The following SLC41A3 variants were observed in gnomAD, a reference collection of about 807,000 sequenced individuals.
The protein encoded by SLC41A3 is solute carrier family 41 member 3.
Under a neutral mutation model 45.4 loss-of-function variants are expected in SLC41A3, and 44 were observed. The ratio of observed to expected loss-of-function variants is 0.97; its 90% CI spans 0.76 to 1.25. The LOEUF (loss-of-function observed/expected upper bound fraction) is 1.25, where lower values mean the gene tolerates loss of function less well. SLC41A3 is among the 50% of genes most tolerant of loss of function. SLC41A3 has a pLI of 0.00. For synonymous variants in SLC41A3, 256 were observed against 252.4 expected, an observed-to-expected ratio of 1.01 and a Z score of -0.13; for missense variants, 550 against 600.6, an observed-to-expected ratio of 0.92 and a Z score of 0.88.
chr3:126,040,745 C>T (rs2107812925), intron 3 of SLC41A3, among the ~76,000 whole-genome samples: 1 of 152,322 alleles, frequency 6.6e-6, no homozygotes, highest in South Asian at 2.1e-4. Flanking sequence ...CTAGTCAACA[C>T]ATTCTGAGTG....
chr3:126,045,719 C>T (rs1942916300), intron 3 of SLC41A3, among the ~76,000 whole-genome samples: 1 of 152,166 alleles, frequency 6.6e-6, no homozygotes. Flanking sequence ...CCTCCATAAA[C>T]TGTCCCAAAG....
At chr3:126,082,955 A>T (rs1446453789) in intron 1 of SLC41A3, among the ~76,000 whole-genome samples, 1 of 152,206 alleles carries the variant, frequency 6.6e-6, no homozygotes, top group Non-Finnish European at 1.5e-5. Flanking sequence ...GCCGGAACCC[A>T]AGGTTGGAAT....
intron 2 of SLC41A3, 54 bp from the exon 3 acceptor site, chr3:126,051,104 G>T: frequency 2.7e-6 from 4 of 1,472,430 alleles, no homozygotes; most frequent in Non-Finnish European, 3.6e-6. Flanking sequence ...GCAAATCTCT[G>T]GAAATTTCTT....
At chr3:126,093,417 C>T (rs976076081) in intron 1 of SLC41A3, among the ~76,000 whole-genome samples, 1 of 152,214 alleles carries the variant, frequency 6.6e-6, no homozygotes, top group African/African-American at 2.4e-5. Context: ...ATTTCCAGCT[C>T]AGGCCATTCC....
chr3:126,083,253 C>A (rs1268534140), intron 1 of SLC41A3, among the ~76,000 whole-genome samples: 1 of 152,152 alleles, frequency 6.6e-6, no homozygotes, highest in African/African-American at 2.4e-5. Context: ...CAGGGTGGGG[C>A]TGGGGAACCC....
intron 2 of SLC41A3, among the ~76,000 whole-genome samples, chr3:126,063,810 C>T (rs1165765509): frequency 6.6e-6 from 1 of 152,190 alleles, no homozygotes; most frequent in South Asian, 2.1e-4. Flanking sequence ...GGAGCCTCTA[C>T]TTCCTGGGTG....
intron 1 of SLC41A3, among the ~76,000 whole-genome samples, chr3:126,075,410 A>G (rs4387923): frequency 0.65 from 98,203 of 151,608 alleles, 32,042 homozygotes; most frequent in Middle Eastern, 0.71. Context: ...CTCCAGGTTT[A>G]ATACAATCCC....
rs1360197991 is a variant in SLC41A3, at chr3:126,026,912, A to G, written c.454-433T>C. On this transcript the variant is annotated intron_variant, in intron 4 of 10. Transcript: ENST00000360370. This position sits in a 1 kb window ranked among gnomAD's most constrained non-coding sequence, Gnocchi z 4.2. ...GCAGTCACACGGGAGGACTTCACAC[A>G]CTTTTGGTCTCTCCTTTGGCACCCT... 6.6e-6 allele frequency among the ~76,000 whole-genome samples: 1 copy of G among 151,888 alleles called. No individual in the cohort carries two copies. The highest frequency in any genetic ancestry group is 2.4e-5 in the African/African-American group (1 of 41,328).
chr3:126,048,414 T>C (rs760057436), intron 3 of SLC41A3, among the ~76,000 whole-genome samples: 1 of 152,216 alleles, frequency 6.6e-6, no homozygotes, highest in African/African-American at 2.4e-5. Context: ...TATAGAGACA[T>C]GTTTATGTAT....
At chr3:126,071,042 T>C (rs1944594297) in intron 1 of SLC41A3, among the ~76,000 whole-genome samples, 1 of 151,720 alleles carries the variant, frequency 6.6e-6, no homozygotes, top group East Asian at 1.9e-4. Context: ...AGTGATACAC[T>C]AGGAAAGATC....
chr3:126,038,174 GGCAGAGCCCCCACGGAGAAA>G (rs796484284), intron 3 of SLC41A3, among the ~76,000 whole-genome samples: 9 of 152,340 alleles, frequency 5.9e-5, no homozygotes, highest in African/African-American at 2.2e-4. Flanking sequence ...CTGCCACTGG[GGCAGAGCCCCCACGGAGAAA>G]CCCTACTAGG....
intron 2 of SLC41A3, among the ~76,000 whole-genome samples, chr3:126,059,274 G>GAAAGAAAGAAAGAAAGAA (rs1943894026): frequency 7.1e-6 from 1 of 141,694 alleles, no homozygotes; most frequent in African/African-American, 2.7e-5. Context: ...AAGAAAGAAA[G>GAAAGAAAGAAAGAAAGAA]AAAGAAAGAA....
At chr3:126,082,272 A>G (rs1244109934) in intron 1 of SLC41A3, among the ~76,000 whole-genome samples, 1 of 152,220 alleles carries the variant, frequency 6.6e-6, no homozygotes, top group Non-Finnish European at 1.5e-5. Context: ...CTCTAATCCC[A>G]GAGCCCCAGG....
intron 6 of SLC41A3, among the ~76,000 whole-genome samples, chr3:126,020,704 G>A (rs1447466196): frequency 2.0e-5 from 3 of 152,110 alleles, no homozygotes; most frequent in African/African-American, 7.2e-5. Context: ...CAGACTTTAA[G>A]TCCGGTAAGA....
intron 2 of SLC41A3, among the ~76,000 whole-genome samples, chr3:126,061,971 C>T (rs1415480985): frequency 2.0e-5 from 3 of 152,212 alleles, no homozygotes; most frequent in African/African-American, 7.2e-5. Context: ...ACTCCTGCCA[C>T]CTGGTCTGAC....
Position 126,068,250 on chromosome 3 carries a change from C to G in SLC41A3, c.-27-4G>C. ...CACAGCTGGGCGCCTGGCAGCCCTA[C>G]AGTGGGAGACACAAAGTTGTAGGGC... is the stretch of plus-strand genomic sequence containing the variant. On this transcript the variant is annotated splice_polypyrimidine_tract_variant and splice_region_variant and intron_variant, in intron 1 of 10. Transcript: ENST00000360370. 8.1e-6 allele frequency: 12 copies of G among 1,488,386 alleles called. No individual in the cohort carries two copies. Among genetic ancestry groups the G allele is most frequent in the Non-Finnish European group, 1.1e-5 (12 of 1,120,750 alleles). 92.2% of individuals were successfully genotyped at this position (1,488,386 alleles called of 1,614,324 possible). A position where few individuals can be genotyped will look rare whatever the true frequency, so the allele number is the denominator to read the frequency against.
chr3:126,060,049 A>G (rs1312037527), intron 2 of SLC41A3, among the ~76,000 whole-genome samples: 1 of 152,240 alleles, frequency 6.6e-6, no homozygotes, highest in Non-Finnish European at 1.5e-5. Flanking sequence ...AACCATTTGC[A>G]GACTCTCATA....
In SLC41A3 at chr3:126,050,854, C is replaced by T. The variant is rs1339832128; in HGVS notation, c.381+89G>A. 3 of 1,474,286 alleles carry T rather than the reference C, an allele frequency of 2.0e-6. No homozygotes were observed. In the South Asian group the frequency reaches 4.3e-5, roughly 21 times the overall value. The allele number at this position is 1,474,286 out of a possible 1,614,324, so 91.3% of individuals were successfully genotyped here. A position where few individuals can be genotyped will look rare whatever the true frequency, so the allele number is the denominator to read the frequency against. ...ATATCCATTGTTTTGGAGAATCCAA[C>T]CCACCGCCCACAAGCCAGGGGAGAC... is the stretch of plus-strand genomic sequence containing the variant. On this transcript the variant is annotated intron_variant, in intron 3 of 10. Coordinates refer to ENST00000360370, the MANE Select transcript of SLC41A3 (RefSeq NM_017836.4).
intron 2 of SLC41A3, among the ~76,000 whole-genome samples, chr3:126,063,670 C>T (rs1392741571): frequency 6.6e-6 from 1 of 152,198 alleles, no homozygotes; most frequent in Non-Finnish European, 1.5e-5. Context: ...TACACATATA[C>T]TACAGCCACA....
Sources: allele counts gnomAD v4.1 joint callset (sites outside exome capture counted in the v4.1 genomes callset), GRCh38; gene constraint gnomAD v4.1.1; non-coding constraint Gnocchi (gnomAD v3.1); transcripts MANE v1.5; gene names NCBI Gene and HGNC (gene_info 2026-07-23, HGNC 2026-07-21).